EDIL3: variants seen among roughly 807,000 people sequenced by gnomAD.
The protein encoded by EDIL3 is EGF-like repeat and discoidin I-like domain-containing protein 3.
Under a neutral mutation model 67.4 loss-of-function variants are expected in EDIL3, and 37 were observed. That is an observed-to-expected ratio of 0.55 (90% confidence interval 0.42 to 0.72). The LOEUF (loss-of-function observed/expected upper bound fraction) is 0.72, where lower values mean the gene tolerates loss of function less well. Ranked by LOEUF, EDIL3 falls within the 30% of genes least tolerant of loss-of-function variation. The pLI is 0.00. For synonymous variants in EDIL3, 195 were observed against 196.3 expected, an observed-to-expected ratio of 0.99 and a Z score of 0.05; for missense variants, 527 against 586.3, an observed-to-expected ratio of 0.90 and a Z score of 1.04.
intron 6 of EDIL3, among the ~76,000 whole-genome samples, chr5:84,087,409 C>T (rs530152652): frequency 4.6e-5 from 7 of 152,276 alleles, no homozygotes; most frequent in Admixed American, 3.9e-4. Context: ...TCTTCCTTCA[C>T]CATATAATAT....
intron 5 of EDIL3, among the ~76,000 whole-genome samples, chr5:84,131,471 T>C (rs769380953): frequency 8.5e-5 from 13 of 152,176 alleles, no homozygotes; most frequent in Non-Finnish European, 1.5e-4. Flanking sequence ...AGCATCCCTT[T>C]ACCCTACAAA....
chr5:84,353,869 T>C (rs1268212312), intron 1 of EDIL3, among the ~76,000 whole-genome samples: 1 of 152,210 alleles, frequency 6.6e-6, no homozygotes, highest in Non-Finnish European at 1.5e-5. Context: ...AAATTTACTA[T>C]ATCTGATCAT....
At chr5:83,968,262 T>A (rs1340488556) in intron 9 of EDIL3, among the ~76,000 whole-genome samples, 1 of 152,060 alleles carries the variant, frequency 6.6e-6, no homozygotes, top group African/African-American at 2.4e-5. Context: ...TCTGATTTGA[T>A]CTAGTTCTGA....
intron 1 of EDIL3, among the ~76,000 whole-genome samples, chr5:84,364,803 T>C (rs1350886269): frequency 6.6e-6 from 1 of 152,038 alleles, no homozygotes; most frequent in African/African-American, 2.4e-5. Context: ...TAGAAATAGG[T>C]ACAAATTGAT....
intron 10 of EDIL3, 51 bp downstream of exon 10, chr5:83,963,154 G>A (rs1744632845): frequency 1.3e-6 from 2 of 1,539,510 alleles, no homozygotes; most frequent in Middle Eastern, 1.8e-4. Flanking sequence ...AAACTTGGGT[G>A]TAATTTGATC....
In EDIL3 at chr5:84,079,546, A is replaced by G. The variant is rs141463333; in HGVS notation, c.652-12940T>C. 6.8e-3 allele frequency among the ~76,000 whole-genome samples: 1,032 copies of G among 152,092 alleles called. 12 individuals are homozygous for G. The highest frequency in any genetic ancestry group is 0.024 in the African/African-American group (978 of 41,460). ...TAAAGTGTTAAGTGAAAGAGTAGGA[A>G]ATTTTTTTTTTTCTATCTCAAACAA... On this transcript the variant is annotated intron_variant, in intron 6 of 10. Coordinates refer to ENST00000296591, the MANE Select transcript of EDIL3 (RefSeq NM_005711.5).
chr5:84,172,015 T>C (rs1748821016), intron 4 of EDIL3, among the ~76,000 whole-genome samples: 5 of 152,268 alleles, frequency 3.3e-5, no homozygotes. Flanking sequence ...TCTCTATGGA[T>C]TGGCAAGAGG....
chr5:84,184,093 C>G (rs1250203020), intron 3 of EDIL3, among the ~76,000 whole-genome samples: 3 of 152,056 alleles, frequency 2.0e-5, no homozygotes, highest in Non-Finnish European at 2.9e-5. Flanking sequence ...GCTCCAAGAG[C>G]AAAACTCCAT....
At chr5:84,206,664 C>T (rs962992780) in intron 3 of EDIL3, among the ~76,000 whole-genome samples, 37 of 151,934 alleles carry the variant, frequency 2.4e-4, no homozygotes, top group African/African-American at 8.0e-4. Context: ...ACTGGCAAAC[C>T]GAATCCAGCA....
chr5:84,320,225 C>T (rs981421137), intron 1 of EDIL3, among the ~76,000 whole-genome samples: 1 of 152,038 alleles, frequency 6.6e-6, no homozygotes, highest in Non-Finnish European at 1.5e-5. Context: ...TAGGTTGGAT[C>T]TCCTTTAAGT....
chr5:84,252,007 G>T (rs548882265), intron 2 of EDIL3, among the ~76,000 whole-genome samples: 23 of 152,272 alleles, frequency 1.5e-4, no homozygotes, highest in Non-Finnish European at 2.8e-4. Context: ...ATACTAATAT[G>T]TAATAATGAA....
At chr5:84,169,249 T>A (rs1310622025) in intron 4 of EDIL3, among the ~76,000 whole-genome samples, 1 of 152,148 alleles carries the variant, frequency 6.6e-6, no homozygotes, top group Non-Finnish European at 1.5e-5. Context: ...TATAGATTCA[T>A]ATCCATTTGA....
At chr5:84,223,590 A>G (rs1195923030) in intron 3 of EDIL3, among the ~76,000 whole-genome samples, 1 of 151,690 alleles carries the variant, frequency 6.6e-6, no homozygotes, top group East Asian at 1.9e-4. Flanking sequence ...GAATACATAG[A>G]AATAGAGCAG....
chr5:84,226,019 AT>A (rs1744445546), intron 3 of EDIL3, among the ~76,000 whole-genome samples: 1 of 151,672 alleles, frequency 6.6e-6, no homozygotes, highest in Non-Finnish European at 1.5e-5. Context: ...CTTATCTCCA[AT>A]TAGAAAAATA....
chr5:84,187,661 TTATCTTC>T (rs1743493593), intron 3 of EDIL3, among the ~76,000 whole-genome samples: 1 of 152,106 alleles, frequency 6.6e-6, no homozygotes, highest in Non-Finnish European at 1.5e-5. Context: ...CATATCGAAG[TTATCTTC>T]AGTGTTGCCT....
At chr5:84,147,802 GCACTGATA>G (rs1277907886) in intron 4 of EDIL3, among the ~76,000 whole-genome samples, 1 of 150,762 alleles carries the variant, frequency 6.6e-6, no homozygotes, top group African/African-American at 2.4e-5. Flanking sequence ...TCAATAACAG[GCACTGATA>G]CACAGTTAAA....
At chr5:84,227,212 G>T (rs1038739966) in intron 3 of EDIL3, among the ~76,000 whole-genome samples, 1 of 151,690 alleles carries the variant, frequency 6.6e-6, no homozygotes, top group Non-Finnish European at 1.5e-5. Context: ...CTAACATCCA[G>T]AATCTATAAG....
At chr5:84,383,653 G>C (rs552281171) in intron 1 of EDIL3, among the ~76,000 whole-genome samples, 1 of 152,230 alleles carries the variant, frequency 6.6e-6, no homozygotes, top group Non-Finnish European at 1.5e-5. Flanking sequence ...CAGGCCCCTG[G>C]GGTCAGACTA....
chr5:84,231,562 C>T (rs988232915), intron 2 of EDIL3, among the ~76,000 whole-genome samples: 5 of 150,536 alleles, frequency 3.3e-5, no homozygotes, highest in Non-Finnish European at 5.9e-5. Flanking sequence ...CACTCTTTTC[C>T]GTTAAGGTTA....
Sources: gnomAD v4.1 joint callset for allele counts (sites outside exome capture counted in the v4.1 genomes callset) on GRCh38, gnomAD v4.1.1 for gene constraint, MANE v1.5 for transcripts, NCBI Gene and HGNC (gene_info 2026-07-23, HGNC 2026-07-21) for gene names.